The following SSR3 variants were observed in gnomAD, a reference collection of about 807,000 sequenced individuals.
SSR3 encodes translocon-associated protein subunit gamma.
SSR3 carries 10 observed loss-of-function variants against 22.1 expected under a neutral mutation model. The ratio of observed to expected loss-of-function variants is 0.45; its 90% CI spans 0.28 to 0.77. SSR3 has a LOEUF of 0.77. SSR3 is among the 30% of genes least tolerant of loss of function. SSR3 has a pLI of 0.13. For synonymous variants in SSR3, 104 were observed against 82.5 expected (o/e 1.26, Z -1.42); for missense variants, 181 against 220.5 (o/e 0.82, Z 1.13).
Position 156,542,209 on chromosome 3 carries a change from G to A in SSR3, c.*994C>T, listed in dbSNP as rs944637370. 2.6e-5 allele frequency: 4 copies of A among 152,188 alleles called. No individual in the cohort carries two copies. The highest frequency in any genetic ancestry group is 7.2e-5 in the African/African-American group (3 of 41,430). The allele number at this position is 152,188 out of a possible 1,614,324, so 9.4% of individuals were successfully genotyped here. A position where few individuals can be genotyped will look rare whatever the true frequency, so the allele number is the denominator to read the frequency against. Reference sequence around the variant, plus strand: ...AGATTGCTCTCAGCTGGATCCCCAAGGGCTAAAGAGATAAATATCTTGCTC... The same window carrying A: ...AGATTGCTCTCAGCTGGATCCCCAAAGGCTAAAGAGATAAATATCTTGCTC... On this transcript the variant is annotated 3_prime_UTR_variant, in exon 5 of 5. Transcript: ENST00000265044.
chr3:156,545,971 G>A (rs1719745202), intron 3 of SSR3, among the ~76,000 whole-genome samples: 1 of 152,184 alleles, frequency 6.6e-6, no homozygotes. Flanking sequence ...GGTTGCTTAC[G>A]TAGGTTATTA....
At chr3:156,548,729 T>A (rs1719845385) in intron 3 of SSR3, 176 bp downstream of exon 3, 3 of 723,622 alleles carry the variant, frequency 4.1e-6, no homozygotes, top group East Asian at 2.7e-5. Context: ...GATAAAAGTA[T>A]CTGGTTGTAA....
At position 156,544,405 on chromosome 3, in the gene SSR3, C is replaced by A; in HGVS notation, c.394G>T (p.Glu132Ter). 6.3e-7 allele frequency: 1 copy of A among 1,589,996 alleles called. No homozygotes were observed. The highest frequency in any genetic ancestry group is 1.2e-5 in the South Asian group (1 of 85,474). The change falls in exon 4 of 5, where the codon GAA becomes TAA. Residue 132 changes from glutamate to a stop codon, truncating the protein, a stop_gained. Transcript: ENST00000265044. LOFTEE classifies it high-confidence loss of function. The part of the protein sequence containing the change: ...LWKKNEVADY[E>*]ATTFSIFYNN... Reference sequence around the variant, plus strand: ...TAGAAGATGGAAAATGTTGTAGCTTCATAATCAGCAACTTCATTCTTCTTC... The same window carrying A: ...TAGAAGATGGAAAATGTTGTAGCTTAATAATCAGCAACTTCATTCTTCTTC...
intron 3 of SSR3, 77 bp from the exon 4 acceptor site, chr3:156,544,516 T>C (rs1333424491): frequency 2.4e-6 from 3 of 1,236,782 alleles, no homozygotes; most frequent in African/African-American, 3.1e-5. Flanking sequence ...TGGCTCTAGT[T>C]CATCATAAAA....
Position 156,540,169 on chromosome 3 carries a change from C to CTTA in SSR3, c.*3031_*3033dup, listed in dbSNP as rs2108442468. On this transcript the variant is annotated 3_prime_UTR_variant, in exon 5 of 5. Coordinates refer to ENST00000265044, the MANE Select transcript of SSR3 (RefSeq NM_007107.5). Reference sequence around the variant, plus strand: ...TTTTAAGAAGCAAAGTTTAATCATACTTATTAAGCAAGACTTTTCACAAGA... The same window carrying CTTA: ...TTTTAAGAAGCAAAGTTTAATCATACTTATTATTAAGCAAGACTTTTCACAAGA... The CTTA allele has an allele frequency of 6.6e-6, 1 of 151,940 alleles. No individual in the cohort carries two copies. Among genetic ancestry groups the CTTA allele is most frequent in the East Asian group, 2.0e-4 (1 of 5,120 alleles). The allele number at this position is 151,940 out of a possible 1,614,324, so 9.4% of individuals were successfully genotyped here.
chr3:156,554,077 A>G (rs924980920), intron 1 of SSR3: 23 of 234,638 alleles, frequency 9.8e-5, no homozygotes, highest in Non-Finnish European at 1.6e-4. Context: ...CAGACTTCAA[A>G]TTTCATTCAT....
At chr3:156,546,747 G>T (rs961414376) in intron 3 of SSR3, among the ~76,000 whole-genome samples, 2 of 152,182 alleles carry the variant, frequency 1.3e-5, no homozygotes, top group Non-Finnish European at 2.9e-5. Context: ...GAAATGTTGA[G>T]ACCAAGCAAC....
At chr3:156,546,086 C>T (rs572863973) in intron 3 of SSR3, among the ~76,000 whole-genome samples, 78 of 152,226 alleles carry the variant, frequency 5.1e-4, no homozygotes, top group Non-Finnish European at 8.2e-4. Context: ...TGGTTTGGCT[C>T]TGTGTCCCCA....
At chr3:156,549,837 C>T (rs1719887488) in intron 2 of SSR3, among the ~76,000 whole-genome samples, 1 of 151,884 alleles carries the variant, frequency 6.6e-6, no homozygotes, top group African/African-American at 2.4e-5. Flanking sequence ...ACAAAACACA[C>T]ACAATTAAGA....
At chr3:156,550,170 GACA>G (rs1422655740) in intron 2 of SSR3, among the ~76,000 whole-genome samples, 1 of 152,062 alleles carries the variant, frequency 6.6e-6, no homozygotes, top group Non-Finnish European at 1.5e-5. Context: ...CTTAACATCA[GACA>G]ACTTTTTTTT....
chr3:156,554,760 T>C, intron 1 of SSR3, 197 bp downstream of exon 1: 1 of 665,400 alleles, frequency 1.5e-6, no homozygotes, highest in Non-Finnish European at 2.5e-6. Flanking sequence ...CCTCCCCGAG[T>C]GCTGCACAGG....
rs911391667 is a variant in SSR3 at position 156,549,186 on chromosome 3, G to C, written c.261-183C>G. On this transcript the variant is annotated intron_variant, in intron 2 of 4. Transcript: ENST00000265044. ...ACTGCACTAGCCAAAAGAGAAGTTC[G>C]AGAAATGTCCAAGATGTGGTTTATT... The C allele has an allele frequency of 1.2e-4, 58 of 504,240 alleles. 1 individual carries two copies. The highest frequency in any genetic ancestry group is 1.1e-3 in the African/African-American group (57 of 51,412). The allele number at this position is 504,240 out of a possible 1,614,324, so 31.2% of individuals were successfully genotyped here.
Position 156,540,025 on chromosome 3 carries a change from T to G in SSR3, c.*3178A>C, listed in dbSNP as rs1422827873. 6.6e-6 allele frequency: 1 copy of G among 151,944 alleles called. No homozygotes were observed. Among genetic ancestry groups the G allele is most frequent in the Non-Finnish European group, 1.5e-5 (1 of 67,994 alleles). The allele number at this position is 151,944 out of a possible 1,614,324, so 9.4% of individuals were successfully genotyped here. ...ATGGTCAGCACATGTATCCCAGAAC[T>G]TAAAGTAAAATAAAAAATAAAACAA... is the stretch of plus-strand genomic sequence containing the variant. On this transcript the variant is annotated 3_prime_UTR_variant, in exon 5 of 5. Coordinates refer to ENST00000265044, the MANE Select transcript of SSR3 (RefSeq NM_007107.5).
At position 156,554,694 on chromosome 3, in the gene SSR3, G is replaced by A. The variant is rs532613651; in HGVS notation, c.133+263C>T. 12 of 488,022 alleles carry A rather than the reference G, an allele frequency of 2.5e-5. No homozygotes were observed. The Admixed American group carries it at 3.2e-4, about 13-fold the overall frequency. 30.2% of individuals were successfully genotyped at this position (488,022 alleles called of 1,614,324 possible). A position where few individuals can be genotyped will look rare whatever the true frequency, so the allele number is the denominator to read the frequency against. On this transcript the variant is annotated intron_variant, in intron 1 of 4. Coordinates refer to ENST00000265044, the MANE Select transcript of SSR3 (RefSeq NM_007107.5). ...ATTCGGGGCCGCCACCCCAGAACTA[G>A]TTAACCACCTTCTCCTGGGGTGGAG...
rs949179704 is a variant in SSR3, at chr3:156,541,080, GCTCA to G, written c.*2119_*2122del. On this transcript the variant is annotated 3_prime_UTR_variant, in exon 5 of 5. Coordinates refer to ENST00000265044, the MANE Select transcript of SSR3 (RefSeq NM_007107.5). ...AAATTCACAACAGTAAACAAATTTTGCTCACTCATTTTCCTACAAATCTTCAGTT... is the reference window on the plus strand; with the variant it reads ...AAATTCACAACAGTAAACAAATTTTGCTCATTTTCCTACAAATCTTCAGTT... 1.2e-4 allele frequency: 19 copies of G among 152,290 alleles called. No individual in the cohort carries two copies. Among genetic ancestry groups the G allele is most frequent in the Admixed American group, 3.9e-4 (6 of 15,302 alleles). 9.4% of individuals were successfully genotyped at this position (152,290 alleles called of 1,614,324 possible).
At chr3:156,549,238 AAAG>A (rs1377317063) in intron 2 of SSR3, 10 of 397,166 alleles carry the variant, frequency 2.5e-5, no homozygotes, top group South Asian at 1.8e-4. Context: ...TTCCCCTTAA[AAAG>A]AAGAATTTTC....
intron 2 of SSR3, among the ~76,000 whole-genome samples, chr3:156,549,586 T>C (rs528539453): frequency 2.0e-5 from 3 of 152,320 alleles, no homozygotes; most frequent in Admixed American, 2.0e-4. Context: ...CAAGGGTGTC[T>C]GGGATACAAG....
intron 3 of SSR3, among the ~76,000 whole-genome samples, chr3:156,547,494 CAA>C (rs903515241): frequency 3.9e-5 from 6 of 152,126 alleles, no homozygotes; most frequent in African/African-American, 1.2e-4. Context: ...AAAAATACAA[CAA>C]AAAGTTTTTT....
chr3:156,548,111 T>C (rs1487218764), intron 3 of SSR3, among the ~76,000 whole-genome samples: 1 of 152,202 alleles, frequency 6.6e-6, no homozygotes, highest in Non-Finnish European at 1.5e-5. Flanking sequence ...CAAAGCATCT[T>C]CTTGATACTG....
Sources: gnomAD v4.1 joint callset for allele counts (sites outside exome capture counted in the v4.1 genomes callset) on GRCh38, gnomAD v4.1.1 for gene constraint, MANE v1.5 for transcripts, NCBI Gene and HGNC (gene_info 2026-07-23, HGNC 2026-07-21) for gene names.